The following FMNL2 variants were observed in gnomAD, a reference collection of about 807,000 sequenced individuals.
FMNL2 encodes formin-like protein 2.
A neutral mutation model predicts 130.2 loss-of-function variants in FMNL2; 51 were observed. That is an observed-to-expected ratio of 0.39 (90% confidence interval 0.31 to 0.49). FMNL2 has a LOEUF of 0.49. Among genes scored for constraint, FMNL2 ranks in the 20% least tolerant of loss-of-function variants. FMNL2 has a pLI of 0.85. For synonymous variants in FMNL2, 465 were observed against 467.1 expected (o/e 1.00, Z 0.06); for missense variants, 977 against 1,316.2 (o/e 0.74, Z 3.99).
intron 5 of FMNL2, among the ~76,000 whole-genome samples, chr2:152,559,953 C>T (rs1695434014): frequency 6.6e-6 from 1 of 152,146 alleles, no homozygotes; most frequent in Admixed American, 6.5e-5. Context: ...AAGTCATCAC[C>T]AATTTTCAGA....
At chr2:152,640,646 C>G in intron 24 of FMNL2, 145 bp from the exon 25 acceptor site, 1 of 1,023,152 alleles carries the variant, frequency 9.8e-7, no homozygotes. Flanking sequence ...AGCTTGAGTT[C>G]TCTGCAACTG....
intron 9 of FMNL2, among the ~76,000 whole-genome samples, chr2:152,595,460 A>G (rs1216187534): frequency 1.3e-5 from 2 of 152,136 alleles, no homozygotes; most frequent in East Asian, 3.9e-4. Flanking sequence ...AGTTGGGACT[A>G]CAGACACGCC....
intron 6 of FMNL2, among the ~76,000 whole-genome samples, chr2:152,567,878 G>A (rs764288059): frequency 1.2e-4 from 18 of 151,950 alleles, no homozygotes; most frequent in African/African-American, 1.9e-4. Flanking sequence ...TTTTGTCAGC[G>A]AGAAAATATA....
intron 25 of FMNL2, among the ~76,000 whole-genome samples, chr2:152,647,148 G>C (rs775480532): frequency 1.3e-5 from 2 of 152,170 alleles, no homozygotes; most frequent in Non-Finnish European, 2.9e-5. Flanking sequence ...ACTGGTTCAA[G>C]TCTGGCCTGG....
intron 1 of FMNL2, among the ~76,000 whole-genome samples, chr2:152,476,245 C>T (rs188493315): frequency 1.3e-5 from 2 of 152,342 alleles, no homozygotes; most frequent in East Asian, 3.9e-4. Context: ...AAAACACCAG[C>T]TCTGTTTACC....
At chr2:152,531,537 C>T (rs911280698) in intron 2 of FMNL2, among the ~76,000 whole-genome samples, 11 of 151,286 alleles carry the variant, frequency 7.3e-5, no homozygotes, top group Non-Finnish European at 1.2e-4. Flanking sequence ...TACAGTGGCA[C>T]GATGTCGGAT....
chr2:152,511,083 A>G (rs1692475131), intron 1 of FMNL2, among the ~76,000 whole-genome samples: 1 of 152,210 alleles, frequency 6.6e-6, no homozygotes, highest in Non-Finnish European at 1.5e-5. Context: ...GCAGAAATGT[A>G]GGGTCCTCTG....
chr2:152,518,556 A>G (rs1252586903), intron 1 of FMNL2, among the ~76,000 whole-genome samples: 3 of 152,058 alleles, frequency 2.0e-5, no homozygotes, highest in Non-Finnish European at 4.4e-5. Context: ...GTCATTTATA[A>G]ATCTTATTCT....
At chr2:152,643,812 T>C in intron 25 of FMNL2, 1 of 985,432 alleles carries the variant, frequency 1.0e-6, no homozygotes, top group Non-Finnish European at 1.2e-6. Flanking sequence ...AGCAAAAATA[T>C]TAAGAGCACT....
chr2:152,599,405 C>CTTTT (rs35753197), intron 9 of FMNL2, among the ~76,000 whole-genome samples: 1,862 of 45,074 alleles, frequency 0.041, 489 homozygotes, highest in East Asian at 0.14. Flanking sequence ...TGAAGGTCAT[C>CTTTT]TTTTTTTTTT....
chr2:152,628,265 T>A (rs1681932553), intron 17 of FMNL2, 34 bp from the exon 18 acceptor site: 1 of 1,587,868 alleles, frequency 6.3e-7, no homozygotes, highest in African/African-American at 1.3e-5. Flanking sequence ...GAGGTTTTTC[T>A]CTCTAATGCT....
At chr2:152,613,074 T>C (rs977680347) in intron 11 of FMNL2, among the ~76,000 whole-genome samples, 1 of 152,214 alleles carries the variant, frequency 6.6e-6, no homozygotes, top group African/African-American at 2.4e-5. Context: ...CTTGAATAGA[T>C]GGGCCTACTG....
intron 2 of FMNL2, among the ~76,000 whole-genome samples, chr2:152,533,185 A>G (rs994599369): frequency 6.6e-6 from 1 of 152,118 alleles, no homozygotes; most frequent in Non-Finnish European, 1.5e-5. Flanking sequence ...TTCTTCTGGA[A>G]ATTTTACAGT....
At chr2:152,519,317 T>C (rs1400746784) in intron 1 of FMNL2, among the ~76,000 whole-genome samples, 1 of 152,212 alleles carries the variant, frequency 6.6e-6, no homozygotes, top group African/African-American at 2.4e-5. Context: ...GCATCGCGTC[T>C]GTTTGGATTC....
intron 4 of FMNL2, among the ~76,000 whole-genome samples, chr2:152,558,038 G>T (rs1209797242): frequency 2.0e-5 from 3 of 152,130 alleles, no homozygotes; most frequent in Non-Finnish European, 2.9e-5. Context: ...GAACAAATAA[G>T]AATGTATAAG....
chr2:152,619,185 G>C, intron 14 of FMNL2, 27 bp downstream of exon 14: 1 of 1,521,936 alleles, frequency 6.6e-7, no homozygotes, highest in Non-Finnish European at 8.8e-7. Flanking sequence ...GGAGGACTGA[G>C]GAAGTTTTGG....
chr2:152,617,198 T>G lies in FMNL2; in HGVS notation c.1314+6T>G, dbSNP rs771785069. 2.5e-6 allele frequency: 4 copies of G among 1,613,684 alleles called. No homozygotes were observed. In the South Asian group the frequency reaches 4.4e-5, roughly 18 times the overall value. ...AGGAGCTGGATGTCGTTCGGGTAAG[T>G]GTAATGATGACAACTGCCCAGATGG... On this transcript the variant is annotated splice_donor_region_variant and intron_variant, in intron 13 of 25. Transcript: ENST00000288670.
chr2:152,480,801 A>C (rs1030673231), intron 1 of FMNL2, among the ~76,000 whole-genome samples: 4 of 152,178 alleles, frequency 2.6e-5, no homozygotes, highest in Admixed American at 2.6e-4. Context: ...AACCAGATGC[A>C]TGCAGTAAAA....
intron 15 of FMNL2, among the ~76,000 whole-genome samples, chr2:152,624,456 C>A (rs765124288): frequency 7.2e-5 from 11 of 151,924 alleles, no homozygotes; most frequent in Non-Finnish European, 1.5e-4. Context: ...CCAGCAATTT[C>A]TTTTCCTTCC....
Sources: gnomAD v4.1 joint callset for allele counts (sites outside exome capture counted in the v4.1 genomes callset) on GRCh38, gnomAD v4.1.1 for gene constraint, MANE v1.5 for transcripts, NCBI Gene and HGNC (gene_info 2026-07-23, HGNC 2026-07-21) for gene names.